CFAP20DC: variants seen among roughly 807,000 people sequenced by gnomAD.
The protein encoded by CFAP20DC is CFAP20 domain containing, also known as protein CFAP20DC.
A neutral mutation model predicts 101.7 loss-of-function variants in CFAP20DC; 84 were observed. That is an observed-to-expected ratio of 0.83 (90% confidence interval 0.69 to 0.99). The LOEUF (loss-of-function observed/expected upper bound fraction) is 0.99. CFAP20DC is among the 50% of genes least tolerant of loss of function. CFAP20DC has a pLI of 0.00. For synonymous variants in CFAP20DC, 359 were observed against 351.2 expected (o/e 1.02, Z -0.25); for missense variants, 1,007 against 970.3 (o/e 1.04, Z -0.50).
chr3:58,888,980 C>A (rs770752213), intron 6 of CFAP20DC, among the ~76,000 whole-genome samples: 28 of 150,424 alleles, frequency 1.9e-4, no homozygotes, highest in African/African-American at 6.6e-4. Flanking sequence ...ACCTCACCAG[C>A]ATCTATTGTT....
rs2073514195 is a variant in CFAP20DC at position 58,799,551 on chromosome 3, A to C, written c.2237+6844T>G. Among the ~76,000 whole-genome samples, 2 of 152,192 alleles carry C rather than the reference A, an allele frequency of 1.3e-5. No individual in the cohort carries two copies. The highest frequency in any genetic ancestry group is 4.8e-5 in the African/African-American group (2 of 41,438). ...ATTTTTAAGTGGTGAGATTCACTGAATTCAACACCTATTTTTTATGTGTCT... is the reference window on the plus strand; with the variant it reads ...ATTTTTAAGTGGTGAGATTCACTGACTTCAACACCTATTTTTTATGTGTCT... On this transcript the variant is annotated intron_variant, in intron 15 of 16. Coordinates refer to ENST00000482387, the MANE Select transcript of CFAP20DC (RefSeq NM_001394063.1). The surrounding 1 kb of genome is among the most constrained non-coding windows in gnomAD (Gnocchi z 4.9).
At chr3:59,020,317 C>T (rs2093777630) in intron 4 of CFAP20DC, among the ~76,000 whole-genome samples, 2 of 151,810 alleles carry the variant, frequency 1.3e-5, no homozygotes, top group Non-Finnish European at 2.9e-5. Flanking sequence ...GTTTGTTTTA[C>T]AATAAAGTAT....
Position 58,935,883 on chromosome 3 carries a change from A to T in CFAP20DC, c.393+1765T>A, listed in dbSNP as rs935274318. ...CATGGGCAAGGACTTCATGTCTGAA[A>T]CACCAAAAGCAATGGCAACAAAAGC... On this transcript the variant is annotated intron_variant, in intron 5 of 16. Coordinates refer to ENST00000482387, the MANE Select transcript of CFAP20DC (RefSeq NM_001394063.1). 3.6e-3 allele frequency among the ~76,000 whole-genome samples: 554 copies of T among 152,294 alleles called. 4 individuals are homozygous for T. Among genetic ancestry groups the T allele is most frequent in the African/African-American group, 0.013 (537 of 41,548 alleles).
At chr3:58,809,964 A>G (rs557652381) in intron 14 of CFAP20DC, among the ~76,000 whole-genome samples, 60 of 152,316 alleles carry the variant, frequency 3.9e-4, no homozygotes, top group Admixed American at 9.1e-4. Context: ...AGAAATGGAT[A>G]AATTCCTGGA....
In CFAP20DC at chr3:58,936,690, C is replaced by A. The variant is rs543298774; in HGVS notation, c.393+958G>T. 2.0e-5 allele frequency among the ~76,000 whole-genome samples: 3 copies of A among 152,210 alleles called. No homozygotes were observed. In the South Asian group the frequency reaches 6.2e-4, roughly 32 times the overall value. On this transcript the variant is annotated intron_variant, in intron 5 of 16. Transcript: ENST00000482387. ...ATCGCAAGGACGGAAAACCAAACAC[C>A]GCATGTTCTCCCGCACAGGTGGGAA...
intron 4 of CFAP20DC, among the ~76,000 whole-genome samples, chr3:58,990,287 TA>T (rs542024593): frequency 9.9e-4 from 151 of 152,304 alleles, no homozygotes; most frequent in African/African-American, 3.4e-3. Context: ...TATGAAGATG[TA>T]AAATAGAGCT....
chr3:59,042,956 A>G (rs1391414614), intron 3 of CFAP20DC, among the ~76,000 whole-genome samples: 1 of 152,194 alleles, frequency 6.6e-6, no homozygotes, highest in Non-Finnish European at 1.5e-5. Context: ...AACTGAAAAG[A>G]TAAGTTGCTA....
intron 14 of CFAP20DC, among the ~76,000 whole-genome samples, chr3:58,815,155 C>G (rs956545795): frequency 2.6e-5 from 4 of 151,264 alleles, no homozygotes; most frequent in African/African-American, 9.7e-5. Flanking sequence ...GGTACCAAAA[C>G]AGAGATATAG....
In CFAP20DC at chr3:58,746,798, T is replaced by C. The variant is rs186099511; in HGVS notation, c.2333-4226A>G. Among the ~76,000 whole-genome samples the C allele has an allele frequency of 2.6e-3, 394 of 152,286 alleles. 3 individuals carry two copies. Among genetic ancestry groups the C allele is most frequent in the Middle Eastern group, 0.017 (5 of 294 alleles). On this transcript the variant is annotated intron_variant, in intron 16 of 16. Transcript: ENST00000482387. ...GGGTGAGATTATGTATAATTTTATG[T>C]TGAAGTAAGTGCTTTAAGCTTACAT...
rs1178459485 is a variant in CFAP20DC, at chr3:58,717,403, G to C, written c.*185C>G. The C allele has an allele frequency of 4.4e-6, 1 of 225,910 alleles. No homozygotes were observed. Among genetic ancestry groups the C allele is most frequent in the African/African-American group, 2.3e-5 (1 of 42,884 alleles). 14.0% of individuals were successfully genotyped at this position (225,910 alleles called of 1,614,324 possible). On this transcript the variant is annotated 3_prime_UTR_variant, in exon 4 of 4. Coordinates refer to the CFAP20DC transcript ENST00000486145. The surrounding 1 kb of genome is among the most constrained non-coding windows in gnomAD (Gnocchi z 4.1). ...GAAAATGTAATCTCTTTCCGCTCAA[G>C]TTCATGAAACTCTGAATTGTGTCCA...
Position 58,813,253 on chromosome 3 carries a change from A to G in CFAP20DC, c.2176-6797T>C, listed in dbSNP as rs563863952. The stretch of plus-strand genomic sequence containing the variant: ...CATTTCAAAACATAGCTGAACAACT[A>G]TATCTCATGTAGCCCTAAACACTTG... On this transcript the variant is annotated intron_variant, in intron 14 of 16. Coordinates refer to ENST00000482387, the MANE Select transcript of CFAP20DC (RefSeq NM_001394063.1). Among the ~76,000 whole-genome samples the G allele has an allele frequency of 2.3e-4, 35 of 152,038 alleles. 1 individual carries two copies. The South Asian group carries it at 5.6e-3, about 24-fold the overall frequency.
intron 14 of CFAP20DC, among the ~76,000 whole-genome samples, chr3:58,828,087 TGCA>T (rs991724373): frequency 2.6e-4 from 40 of 152,066 alleles, no homozygotes; most frequent in African/African-American, 8.9e-4. Context: ...AAAGGTGGGG[TGCA>T]GTGAGAGATG....
chr3:58,814,153 G>C (rs1389189090), intron 14 of CFAP20DC, among the ~76,000 whole-genome samples: 1 of 151,704 alleles, frequency 6.6e-6, no homozygotes, highest in Non-Finnish European at 1.5e-5. Context: ...AAGCATCACA[G>C]ACCTGATATT....
At chr3:58,841,605 C>T (rs1449717559) in intron 13 of CFAP20DC, among the ~76,000 whole-genome samples, 1 of 152,154 alleles carries the variant, frequency 6.6e-6, no homozygotes. Flanking sequence ...GAAAAATGTG[C>T]TCACACTATT....
At chr3:59,000,655 G>A (rs2093282846) in intron 4 of CFAP20DC, among the ~76,000 whole-genome samples, 1 of 152,088 alleles carries the variant, frequency 6.6e-6, no homozygotes, top group Admixed American at 6.6e-5. Context: ...GAAGATTTGA[G>A]AGGTTGAAAA....
chr3:58,949,354 T>C (rs954160963), intron 4 of CFAP20DC, among the ~76,000 whole-genome samples: 1 of 152,206 alleles, frequency 6.6e-6, no homozygotes, highest in Admixed American at 6.5e-5. Context: ...CTTGCTTCTC[T>C]AGTTCTTTTA....
chr3:58,758,230 T>C (rs1012839475), intron 15 of CFAP20DC, among the ~76,000 whole-genome samples: 3 of 152,170 alleles, frequency 2.0e-5, no homozygotes, highest in Non-Finnish European at 4.4e-5. Flanking sequence ...ATCTGTATCT[T>C]ACATGTTTAC....
At chr3:58,986,004 G>A (rs781531455) in intron 4 of CFAP20DC, among the ~76,000 whole-genome samples, 1 of 152,172 alleles carries the variant, frequency 6.6e-6, no homozygotes, top group Non-Finnish European at 1.5e-5. Context: ...AGTTCAGCCT[G>A]TAAGCTATAA....
intron 13 of CFAP20DC, among the ~76,000 whole-genome samples, chr3:58,842,276 G>C (rs1291327423): frequency 1.3e-5 from 2 of 152,198 alleles, no homozygotes; most frequent in Non-Finnish European, 2.9e-5. Context: ...ACTAGGGAGT[G>C]CCAGACAGTG....
Sources: allele counts gnomAD v4.1 joint callset (sites outside exome capture counted in the v4.1 genomes callset), GRCh38; gene constraint gnomAD v4.1.1; non-coding constraint Gnocchi (gnomAD v3.1); transcripts MANE v1.5; gene names NCBI Gene and HGNC (gene_info 2026-07-23, HGNC 2026-07-21).